CCNE2: variants seen among roughly 807,000 people sequenced by gnomAD.
CCNE2 encodes the protein G1/S-specific cyclin-E2.
CCNE2 carries 18 observed loss-of-function variants against 56.8 expected under a neutral mutation model. That is an observed-to-expected ratio of 0.32 (90% CI 0.22 to 0.47). The LOEUF is 0.47. Among genes scored for constraint, CCNE2 ranks in the 20% least tolerant of loss-of-function variants. The probability of loss-of-function intolerance (pLI) is 1.00; values close to 1 mark genes in which losing one functional copy is unlikely to be tolerated. For synonymous variants in CCNE2, 139 were observed against 149.2 expected, an observed-to-expected ratio of 0.93 and a Z score of 0.50; for missense variants, 371 against 467.1, an observed-to-expected ratio of 0.79 and a Z score of 1.90.
chr8:94,885,696 A>C (rs2131104588), intron 7 of CCNE2, 138 bp from the exon 8 acceptor site: 1 of 488,010 alleles, frequency 2.0e-6, no homozygotes, highest in Admixed American at 4.0e-5. Context: ...TTCTTGGAGA[A>C]ATAAGCAAAG....
intron 6 of CCNE2, 48 bp from the exon 7 acceptor site, chr8:94,888,121 A>C: frequency 7.5e-7 from 1 of 1,341,212 alleles, no homozygotes; most frequent in Non-Finnish European, 1.0e-6. Context: ...AATTTCTCCA[A>C]ATTAGAAAGT....
chr8:94,886,015 G>A (rs1196149373), intron 7 of CCNE2, among the ~76,000 whole-genome samples: 1 of 152,110 alleles, frequency 6.6e-6, no homozygotes, highest in Non-Finnish European at 1.5e-5. Context: ...TGGCCAGAAA[G>A]TGCACTTTCA....
intron 6 of CCNE2, 100 bp downstream of exon 6, chr8:94,890,315 G>T: frequency 1.0e-6 from 1 of 982,744 alleles, no homozygotes; most frequent in Non-Finnish European, 1.4e-6. Context: ...GCTTCCTGGG[G>T]ATGAACAATA....
intron 6 of CCNE2, among the ~76,000 whole-genome samples, chr8:94,889,539 C>T (rs928928729): frequency 6.6e-6 from 1 of 152,182 alleles, no homozygotes; most frequent in Admixed American, 6.5e-5. Context: ...ACAATCTTTC[C>T]TTCTAGTCAG....
intron 6 of CCNE2, among the ~76,000 whole-genome samples, chr8:94,889,803 A>G (rs28399567): frequency 7.9e-5 from 12 of 152,224 alleles, no homozygotes; most frequent in African/African-American, 1.7e-4. Flanking sequence ...TTTTAGAGCT[A>G]TTATCCAGAG....
upstream of CCNE2, chr8:94,896,465 A>G (rs1817588892): frequency 6.6e-6 from 1 of 152,290 alleles, no homozygotes; most frequent in South Asian, 2.1e-4. Flanking sequence ...AAAACTGCAC[A>G]TCGTCAAGTC....
rs373155995 is a variant in CCNE2 at position 94,882,219 on chromosome 8, A to G, written c.1014T>C (p.Thr338=). Residue 338 remains threonine (T), a synonymous_variant, in exon 11 of 12, where the codon ACT becomes ACC. Coordinates refer to ENST00000308108, the MANE Select transcript of CCNE2 (RefSeq NM_057749.3). The stretch of plus-strand genomic sequence containing the variant: ...TAAAAGTCTTCAGCTTCACTGGACT[A>G]GTACTTTTTACTACATTGACAAAAG... ...MVPFVNVVKS[T]SPVKLKTFKK... is the part of the protein sequence containing the mutation. 6 of 1,612,820 alleles carry G rather than the reference A, an allele frequency of 3.7e-6. No individual in the cohort carries two copies. In the African/African-American group the frequency reaches 4.0e-5, roughly 11 times the overall value.
At chr8:94,885,402 A>G (rs1816997947) in intron 8 of CCNE2, 61 bp downstream of exon 8, 4 of 1,137,278 alleles carry the variant, frequency 3.5e-6, no homozygotes, top group Admixed American at 2.1e-5. Context: ...AATTATAACT[A>G]CTTATGTTAC....
rs781069357 is a variant in CCNE2, at chr8:94,894,095, C to T, written c.39G>A (p.Gln13=). 1.2e-6 allele frequency: 2 copies of T among 1,613,686 alleles called. No individual in the cohort carries two copies. The highest frequency in any genetic ancestry group is 1.7e-6 in the Non-Finnish European group (2 of 1,179,722). Residue 13 remains glutamine, a synonymous_variant, in exon 3 of 12, where the codon CAG becomes CAA. Coordinates refer to ENST00000308108, the MANE Select transcript of CCNE2 (RefSeq NM_057749.3). ...RRSSRLQAKQ[Q]PQPSQTESPQ... Reference sequence around the variant, plus strand: ...GGGATTCCGTCTGGCTGGGCTGGGGCTGCTGCTTAGCTTGTAAACGGCTAC... The same window carrying T: ...GGGATTCCGTCTGGCTGGGCTGGGGTTGCTGCTTAGCTTGTAAACGGCTAC...
At chr8:94,886,897 T>G (rs1426204713) in intron 7 of CCNE2, among the ~76,000 whole-genome samples, 1 of 152,192 alleles carries the variant, frequency 6.6e-6, no homozygotes, top group East Asian at 1.9e-4. Flanking sequence ...AAGATCAGGA[T>G]TTCAGTCTAG....
chr8:94,882,631 A>G (rs1563678900), intron 10 of CCNE2, 150 bp downstream of exon 10: 1 of 612,142 alleles, frequency 1.6e-6, no homozygotes, highest in Non-Finnish European at 2.9e-6. Flanking sequence ...AGGATTGGAA[A>G]GTACTTCTAA....
At chr8:94,890,934 A>C (rs1010338630) in intron 5 of CCNE2, among the ~76,000 whole-genome samples, 7 of 152,196 alleles carry the variant, frequency 4.6e-5, no homozygotes, top group Non-Finnish European at 8.8e-5. Flanking sequence ...GTAATATACA[A>C]ACTCTGTTTC....
At chr8:94,881,864 G>A in intron 11 of CCNE2, 119 bp from the exon 12 acceptor site, 8 of 1,214,370 alleles carry the variant, frequency 6.6e-6, no homozygotes, top group Non-Finnish European at 9.2e-6. Context: ...CTTTGCAAGT[G>A]TGAAGGGTCA....
At chr8:94,895,906 C>G (rs1167292559), upstream of CCNE2, 1 of 153,726 alleles carries the variant, frequency 6.5e-6, no homozygotes, top group Non-Finnish European at 1.4e-5. Flanking sequence ...CCAGGGAAGG[C>G]ATTTCCAGCC....
chr8:94,889,668 T>C (rs1445209334), intron 6 of CCNE2, among the ~76,000 whole-genome samples: 4 of 152,220 alleles, frequency 2.6e-5, no homozygotes, highest in Non-Finnish European at 5.9e-5. Context: ...ATGGTCTTTT[T>C]CCCTTAGAAT....
chr8:94,883,880 T>C (rs1816928009), intron 9 of CCNE2: 3 of 456,084 alleles, frequency 6.6e-6, no homozygotes, highest in Non-Finnish European at 1.3e-5. Context: ...TCAATTCTGT[T>C]TGTCCTCATT....
Position 94,881,574 on chromosome 8 carries a change from G to A in CCNE2, c.*58C>T. The A allele has an allele frequency of 6.4e-7, 1 of 1,567,034 alleles. No individual in the cohort carries two copies. Among genetic ancestry groups the A allele is most frequent in the South Asian group, 1.1e-5 (1 of 87,894 alleles). ...CTTTCTGTAAAACTTTAGTAGTTCA[G>A]TGATACCAGTTCTACCCAATCTTGG... is the stretch of plus-strand genomic sequence containing the variant. On this transcript the variant is annotated 3_prime_UTR_variant, in exon 12 of 12. Coordinates refer to ENST00000308108, the MANE Select transcript of CCNE2 (RefSeq NM_057749.3).
At position 94,881,487 on chromosome 8, in the gene CCNE2, GTT is replaced by G. The variant is rs1586542498; in HGVS notation, c.*143_*144del. On this transcript the variant is annotated 3_prime_UTR_variant, in exon 12 of 12. Coordinates refer to ENST00000308108, the MANE Select transcript of CCNE2 (RefSeq NM_057749.3). The stretch of plus-strand genomic sequence containing the variant: ...ATGTATTCTTTAGTGCCAATTGTAA[GTT>G]TTAAAATCAGAATGGCAGTGTAACT... The G allele has an allele frequency of 1.4e-6, 1 of 720,676 alleles. No individual in the cohort carries two copies. Among genetic ancestry groups the G allele is most frequent in the East Asian group, 2.6e-5 (1 of 37,956 alleles). The allele number at this position is 720,676 out of a possible 1,614,324, so 44.6% of individuals were successfully genotyped here. A position where few individuals can be genotyped will look rare whatever the true frequency, so the allele number is the denominator to read the frequency against.
chr8:94,880,597 T>G lies in CCNE2; in HGVS notation c.*1035A>C. On this transcript the variant is annotated 3_prime_UTR_variant, in exon 12 of 12. Transcript: ENST00000308108. The stretch of plus-strand genomic sequence containing the variant: ...TCATGTCTTTTTTTAATAAATAGAT[T>G]TCTAGGAGTCAGTATATATTTAATA... 2.9e-6 allele frequency: 1 copy of G among 348,526 alleles called. No individual in the cohort carries two copies. The highest frequency in any genetic ancestry group is 5.1e-6 in the Non-Finnish European group (1 of 197,144). The allele number at this position is 348,526 out of a possible 1,614,324, so 21.6% of individuals were successfully genotyped here. A position where few individuals can be genotyped will look rare whatever the true frequency, so the allele number is the denominator to read the frequency against.
Sources: allele counts gnomAD v4.1 joint callset (sites outside exome capture counted in the v4.1 genomes callset), GRCh38; gene constraint gnomAD v4.1.1; transcripts MANE v1.5; gene names NCBI Gene and HGNC (gene_info 2026-07-23, HGNC 2026-07-21).